The following CREB5 variants were observed in gnomAD, a reference collection of about 807,000 sequenced individuals.
The protein encoded by CREB5 is cAMP responsive element binding protein 5.
In CREB5, 19 loss-of-function variants were observed where a neutral mutation model predicts 57.1. The ratio of observed to expected loss-of-function variants is 0.33; its 90% CI spans 0.23 to 0.49. CREB5 has a LOEUF of 0.49. CREB5 is among the 20% of genes least tolerant of loss of function. The probability of loss-of-function intolerance (pLI) is 0.99; values close to 1 mark genes in which losing one functional copy is unlikely to be tolerated. For synonymous variants in CREB5, 238 were observed against 238.3 expected, an observed-to-expected ratio of 1.00 and a Z score of 0.01; for missense variants, 579 against 671.6, an observed-to-expected ratio of 0.86 and a Z score of 1.52.
intron 1 of CREB5, among the ~76,000 whole-genome samples, chr7:28,402,877 G>A (rs1787501626): frequency 6.6e-6 from 1 of 152,206 alleles, no homozygotes; most frequent in African/African-American, 2.4e-5. Context: ...TACCATCAGA[G>A]TGTATAGGCA....
intron 5 of CREB5, among the ~76,000 whole-genome samples, chr7:28,662,110 C>G (rs1799633074): frequency 6.6e-6 from 1 of 152,118 alleles, no homozygotes; most frequent in African/African-American, 2.4e-5. Flanking sequence ...TAGACCTGAT[C>G]CTCCAGAGAA....
chr7:28,766,127 TC>T (rs1411248877), intron 7 of CREB5, among the ~76,000 whole-genome samples: 2 of 152,064 alleles, frequency 1.3e-5, no homozygotes, highest in African/African-American at 4.8e-5. Flanking sequence ...CCTTAGCACA[TC>T]CCTAGGGCAT....
rs1554344482 is a variant in CREB5 at position 28,560,919 on chromosome 7, T to TGTGTGCGCGCGTGC, written c.292-9443_292-9442insTGCGCGCGTGCGTG. ...GTGCGTGCGCGCGTGCGTGTGCGTG[T>TGTGTGCGCGCGTGC]GTGCGCGTGCGTGTGTGCGTGCGTG... On this transcript the variant is annotated intron_variant, in intron 4 of 10. Transcript: ENST00000357727. Among the ~76,000 whole-genome samples, 4 of 42,996 alleles carry TGTGTGCGCGCGTGC rather than the reference T, an allele frequency of 9.3e-5. 1 individual carries two copies. The highest frequency in any genetic ancestry group is 1.3e-4 in the Non-Finnish European group (3 of 22,260). 28.2% of individuals were successfully genotyped at this position (42,996 alleles called of 152,430 possible).
chr7:28,602,475 A>C (rs1796958758), intron 5 of CREB5, among the ~76,000 whole-genome samples: 1 of 152,214 alleles, frequency 6.6e-6, no homozygotes, highest in African/African-American at 2.4e-5. Flanking sequence ...AGTGTGGTAC[A>C]TTCATATTTA....
At chr7:28,658,953 G>GTATATATATATATATATATATATATA (rs72106956) in intron 5 of CREB5, among the ~76,000 whole-genome samples, 9 of 99,604 alleles carry the variant, frequency 9.0e-5, no homozygotes, top group East Asian at 3.1e-4. Context: ...GTGTGTGTGT[G>GTATATATATATATATATATATATATA]TATATATATA....
intron 7 of CREB5, among the ~76,000 whole-genome samples, chr7:28,767,710 A>G (rs1039685202): frequency 2.6e-5 from 4 of 152,254 alleles, no homozygotes; most frequent in African/African-American, 7.2e-5. Flanking sequence ...ACATAAAAGA[A>G]AGTCATTTTC....
At chr7:28,760,753 G>A (rs1322521610) in intron 7 of CREB5, among the ~76,000 whole-genome samples, 2 of 152,166 alleles carry the variant, frequency 1.3e-5, no homozygotes, top group Non-Finnish European at 2.9e-5. Context: ...AAAGAAAGTA[G>A]TAAAGCCTAC....
intron 5 of CREB5, among the ~76,000 whole-genome samples, chr7:28,589,052 C>G (rs1056361265): frequency 2.0e-5 from 3 of 152,158 alleles, no homozygotes; most frequent in African/African-American, 7.2e-5. Flanking sequence ...CCTTGACATT[C>G]TACTTTGAAA....
chr7:28,797,460 C>T (rs1328362233), intron 7 of CREB5, among the ~76,000 whole-genome samples: 1 of 152,166 alleles, frequency 6.6e-6, no homozygotes, highest in Non-Finnish European at 1.5e-5. Flanking sequence ...TTTTCTAGGT[C>T]TTATGGAATC....
intron 1 of CREB5, among the ~76,000 whole-genome samples, chr7:28,358,851 TC>T (rs1407324177): frequency 6.6e-6 from 1 of 152,174 alleles, no homozygotes; most frequent in East Asian, 1.9e-4. Context: ...GAAGGATTCT[TC>T]CCCCTTAGTT....
intron 4 of CREB5, among the ~76,000 whole-genome samples, chr7:28,552,178 C>T (rs982316058): frequency 6.6e-6 from 1 of 152,120 alleles, no homozygotes; most frequent in Non-Finnish European, 1.5e-5. Flanking sequence ...GTTGGGATTA[C>T]AGGCGCCTGC....
At chr7:28,643,756 G>GGGA (rs1554279446) in intron 5 of CREB5, among the ~76,000 whole-genome samples, 2 of 82,164 alleles carry the variant, frequency 2.4e-5, no homozygotes, top group Non-Finnish European at 4.7e-5. Context: ...GGAGGTGGGG[G>GGGA]GGGGCGGAAG....
intron 1 of CREB5, among the ~76,000 whole-genome samples, chr7:28,395,292 G>A (rs1787312829): frequency 6.6e-6 from 1 of 152,112 alleles, no homozygotes; most frequent in Non-Finnish European, 1.5e-5. Context: ...TCTATTAGTG[G>A]TCAAGGACAG....
At position 28,560,885 on chromosome 7, in the gene CREB5, T is replaced by TGTGCGTGCGCGC. The variant is rs1365184678; in HGVS notation, c.292-9479_292-9478insTGCGTGCGCGCG. 4.9e-4 allele frequency among the ~76,000 whole-genome samples: 13 copies of TGTGCGTGCGCGC among 26,478 alleles called. 1 individual carries two copies. Among genetic ancestry groups the TGTGCGTGCGCGC allele is most frequent in the Non-Finnish European group, 8.1e-4 (11 of 13,530 alleles). 17.4% of individuals were successfully genotyped at this position (26,478 alleles called of 152,430 possible). ...GTGTGCCTGCGTGCGCGTGCGTGCG[T>TGTGCGTGCGCGC]GCGTGTGTGTGCGTGCGCGCGTGCG... On this transcript the variant is annotated intron_variant, in intron 4 of 10. Transcript: ENST00000357727.
At chr7:28,499,332 C>G (rs891432318) in intron 3 of CREB5, among the ~76,000 whole-genome samples, 2 of 152,116 alleles carry the variant, frequency 1.3e-5, no homozygotes, top group African/African-American at 4.8e-5. Flanking sequence ...AATCTTGATA[C>G]CAGCAAGTTC....
intron 10 of CREB5, among the ~76,000 whole-genome samples, chr7:28,818,554 C>T (rs1394483861): frequency 6.6e-6 from 1 of 152,164 alleles, no homozygotes. Context: ...GAATCATATC[C>T]AGTGCCTCCA....
At chr7:28,346,923 A>G (rs1786069086) in intron 1 of CREB5, among the ~76,000 whole-genome samples, 1 of 152,202 alleles carries the variant, frequency 6.6e-6, no homozygotes, top group East Asian at 1.9e-4. Context: ...AAGGGAAGAC[A>G]TAATATTATA....
intron 5 of CREB5, among the ~76,000 whole-genome samples, chr7:28,607,537 C>T (rs1010028731): frequency 2.0e-5 from 3 of 152,044 alleles, no homozygotes; most frequent in Admixed American, 2.0e-4. Context: ...TCACCATTTG[C>T]CTTATGGATT....
At chr7:28,691,460 A>C (rs1801254739) in intron 5 of CREB5, among the ~76,000 whole-genome samples, 1 of 151,238 alleles carries the variant, frequency 6.6e-6, no homozygotes, top group African/African-American at 2.4e-5. Flanking sequence ...TTGCAATAGC[A>C]TATGTGTGTT....
Sources: allele counts gnomAD v4.1 joint callset (sites outside exome capture counted in the v4.1 genomes callset), GRCh38; gene constraint gnomAD v4.1.1; transcripts MANE v1.5; gene names NCBI Gene and HGNC (gene_info 2026-07-23, HGNC 2026-07-21).